The following CACNA1A variants were observed in gnomAD, a reference collection of about 807,000 sequenced individuals.
The protein encoded by CACNA1A is voltage-dependent P/Q-type calcium channel subunit alpha-1A.
A neutral mutation model predicts 262.4 loss-of-function variants in CACNA1A; 57 were observed. That is an observed-to-expected ratio of 0.22 (90% CI 0.18 to 0.27). CACNA1A has a LOEUF of 0.27. CACNA1A is among the 10% of genes least tolerant of loss of function. The probability of loss-of-function intolerance (pLI) is 1.00; values close to 1 mark genes in which losing one functional copy is unlikely to be tolerated. For missense variants in CACNA1A, 2,526 were observed against 3,562.8 expected (o/e 0.71, Z 7.41); for synonymous variants, 1,431 against 1,419.3 (o/e 1.01, Z -0.18).
intron 3 of CACNA1A, among the ~76,000 whole-genome samples, chr19:13,399,774 T>G (rs1017998460): frequency 6.6e-6 from 1 of 152,182 alleles, no homozygotes; most frequent in Non-Finnish European, 1.5e-5. Context: ...GACATCATGG[T>G]CATGTTTCAT....
At chr19:13,220,107 A>C (rs1219218562) in intron 38 of CACNA1A, among the ~76,000 whole-genome samples, 1 of 151,978 alleles carries the variant, frequency 6.6e-6, no homozygotes, top group African/African-American at 2.4e-5. Flanking sequence ...AAAATACAAA[A>C]AAATTTAGCT....
rs1600074064 is a variant in CACNA1A at position 13,207,625 on chromosome 19, ACCCGGGGG to A, written c.7201_7208del (p.Pro2401SerfsTer99). On this transcript the variant is annotated frameshift_variant, in exon 47 of 47. Transcript: ENST00000360228. LOFTEE classifies it high-confidence loss of function. The surrounding 1 kb of genome is among the most constrained non-coding windows in gnomAD (Gnocchi z 5.7). The stretch of plus-strand genomic sequence containing the variant: ...CCCGGTAGTAGCCATGGTGCCGGGG[ACCCGGGGG>A]CCCCTCGGACACGTGCGGGCCAGAT... 6.8e-7 allele frequency: 1 copy of A among 1,478,350 alleles called. No individual in the cohort carries two copies. The highest frequency in any genetic ancestry group is 9.0e-7 in the Non-Finnish European group (1 of 1,115,162). The allele number at this position is 1,478,350 out of a possible 1,614,324, so 91.6% of individuals were successfully genotyped here.
At chr19:13,210,497 G>A (rs1329223736) in intron 44 of CACNA1A, 120 bp downstream of exon 44, 11 of 831,060 alleles carry the variant, frequency 1.3e-5, no homozygotes, top group Middle Eastern at 3.7e-4. Context: ...GAGAGGGTGC[G>A]ATTGCCAAAG....
At chr19:13,338,655 C>T (rs1568549678) in intron 6 of CACNA1A, among the ~76,000 whole-genome samples, 1 of 152,100 alleles carries the variant, frequency 6.6e-6, no homozygotes, top group Non-Finnish European at 1.5e-5. Context: ...ACAGGCTAAA[C>T]TGGTGAATGA....
intron 3 of CACNA1A, chr19:13,450,928 G>A (rs2060904460): frequency 6.6e-6 from 1 of 152,188 alleles, no homozygotes; most frequent in African/African-American, 2.4e-5. Context: ...GCCTCCCAAT[G>A]TGCTGGGATA....
At chr19:13,374,901 G>A (rs1355859756) in intron 3 of CACNA1A, among the ~76,000 whole-genome samples, 2 of 151,842 alleles carry the variant, frequency 1.3e-5, no homozygotes, top group African/African-American at 2.4e-5. Flanking sequence ...CAACTCCTGG[G>A]CTCAAGGGAT....
chr19:13,208,879 ATGGTGG>A lies in CACNA1A; in HGVS notation c.6651_6656del (p.His2218_His2219del), dbSNP rs759331923. 8.5e-5 allele frequency: 124 copies of A among 1,454,202 alleles called. No individual in the cohort carries two copies. The highest frequency in any genetic ancestry group is 2.0e-4 in the Middle Eastern group (1 of 5,084). 90.1% of individuals were successfully genotyped at this position (1,454,202 alleles called of 1,614,324 possible). A position where few individuals can be genotyped will look rare whatever the true frequency, so the allele number is the denominator to read the frequency against. ...AGCGGTCCTTGTCGGGGGGCGGGGGATGGTGGTGGTGGTGGTGGTGGTGGTGGTGCT... is the reference window on the plus strand; with the variant it reads ...AGCGGTCCTTGTCGGGGGGCGGGGGATGGTGGTGGTGGTGGTGGTGGTGCT... On this transcript the variant is annotated inframe_deletion, in exon 46 of 47. Coordinates refer to ENST00000360228, the MANE Select transcript of CACNA1A (RefSeq NM_001127222.2).
Position 13,237,792 on chromosome 19 carries a change from C to T in CACNA1A, c.4951-2062G>A, listed in dbSNP as rs576990461. Among the ~76,000 whole-genome samples, 66 of 152,366 alleles carry T rather than the reference C, an allele frequency of 4.3e-4. 1 individual carries two copies. The highest frequency in any genetic ancestry group is 1.5e-3 in the African/African-American group (63 of 41,592). On this transcript the variant is annotated intron_variant, in intron 31 of 46. Transcript: ENST00000360228. The stretch of plus-strand genomic sequence containing the variant: ...CCTGACCCCCATCCCTGCCTGGCCA[C>T]CCAGCTCCACCTGGGGATGGGGCCG...
At chr19:13,378,469 G>A (rs1339958439) in intron 3 of CACNA1A, among the ~76,000 whole-genome samples, 2 of 151,970 alleles carry the variant, frequency 1.3e-5, no homozygotes, top group East Asian at 3.9e-4. Context: ...AGGAAGAGTC[G>A]ATGGATGCGG....
intron 12 of CACNA1A, among the ~76,000 whole-genome samples, chr19:13,311,463 G>T (rs976088313): frequency 1.3e-5 from 2 of 152,192 alleles, no homozygotes; most frequent in Admixed American, 1.3e-4. Context: ...GGGAAGGTTT[G>T]CTTGTTTGTA....
chr19:13,328,116 G>A (rs993984570), intron 10 of CACNA1A, among the ~76,000 whole-genome samples: 17 of 152,120 alleles, frequency 1.1e-4, no homozygotes, highest in African/African-American at 1.7e-4. Context: ...TGTTGCCCAG[G>A]CTGGTCTTGA....
intron 3 of CACNA1A, among the ~76,000 whole-genome samples, chr19:13,425,762 G>A (rs1242244281): frequency 6.6e-6 from 1 of 152,034 alleles, no homozygotes; most frequent in Non-Finnish European, 1.5e-5. Flanking sequence ...CCCTTCAACA[G>A]TGTCCCATGG....
At chr19:13,235,765 C>T (rs2055853128) in intron 31 of CACNA1A, 35 bp from the exon 32 acceptor site, 1 of 1,498,220 alleles carries the variant, frequency 6.7e-7, no homozygotes, top group Admixed American at 1.7e-5. Flanking sequence ...GACCATCCAC[C>T]CACCCCAAAA....
chr19:13,331,998 C>T (rs752269365), intron 9 of CACNA1A, among the ~76,000 whole-genome samples: 8 of 152,244 alleles, frequency 5.3e-5, no homozygotes, highest in Non-Finnish European at 1.2e-4. Context: ...ACTTTACTTT[C>T]ATGAAGCCTC....
intron 3 of CACNA1A, among the ~76,000 whole-genome samples, chr19:13,402,873 C>CATACAT (rs2059930521): frequency 1.4e-5 from 1 of 72,814 alleles, no homozygotes; most frequent in South Asian, 5.0e-4. Flanking sequence ...CACACACACA[C>CATACAT]ATATATATAT....
chr19:13,310,993 A>C (rs1319857839), intron 12 of CACNA1A, among the ~76,000 whole-genome samples: 2 of 151,996 alleles, frequency 1.3e-5, no homozygotes, highest in Non-Finnish European at 2.9e-5. Context: ...GGGTTTCGCC[A>C]TGTTGGCCAG....
At position 13,437,691 on chromosome 19, in the gene CACNA1A, C is replaced by CAA. The variant is rs35266881; in HGVS notation, c.539+15183_539+15184dup. Among the ~76,000 whole-genome samples the CAA allele has an allele frequency of 6.7e-3, 427 of 63,742 alleles. 2 individuals are homozygous for CAA. The highest frequency in any genetic ancestry group is 0.011 in the Middle Eastern group (1 of 94). 41.8% of individuals were successfully genotyped at this position (63,742 alleles called of 152,430 possible). On this transcript the variant is annotated intron_variant, in intron 3 of 46. Transcript: ENST00000360228. Reference sequence around the variant, plus strand: ...GGGCAACAAGAGTGAAACCCCATCTCAAAAAAAAAAAAAAAAAAAAAAAGA... The same window carrying CAA: ...GGGCAACAAGAGTGAAACCCCATCTCAAAAAAAAAAAAAAAAAAAAAAAAAGA...
chr19:13,484,070 C>A (rs1217715076), intron 1 of CACNA1A, among the ~76,000 whole-genome samples: 11 of 152,058 alleles, frequency 7.2e-5, no homozygotes, highest in Non-Finnish European at 1.0e-4. Flanking sequence ...TGGGATTGGG[C>A]TGAAAGTCCA....
chr19:13,231,297 C>T (rs1414338254), intron 35 of CACNA1A, among the ~76,000 whole-genome samples: 2 of 151,876 alleles, frequency 1.3e-5, no homozygotes, highest in Non-Finnish European at 2.9e-5. Context: ...TTACAGGCAT[C>T]GGCCACTACG....
Sources: gnomAD v4.1 joint callset for allele counts (sites outside exome capture counted in the v4.1 genomes callset) on GRCh38, gnomAD v4.1.1 for gene constraint, Gnocchi (gnomAD v3.1) non-coding constraint, MANE v1.5 for transcripts, NCBI Gene and HGNC (gene_info 2026-07-23, HGNC 2026-07-21) for gene names.